The following USP38 variants were observed in gnomAD, a reference collection of about 807,000 sequenced individuals.
USP38 encodes ubiquitin carboxyl-terminal hydrolase 38.
In USP38, 49 loss-of-function variants were observed where a neutral mutation model predicts 94.3. The observed-to-expected ratio is 0.52, with a 90% CI of 0.41 to 0.66. The LOEUF (loss-of-function observed/expected upper bound fraction) is 0.66. Ranked by LOEUF, USP38 falls within the 30% of genes least tolerant of loss-of-function variation. The pLI is 0.00. For missense variants in USP38, 1,128 were observed against 1,229.4 expected (o/e 0.92, Z 1.23); for synonymous variants, 468 against 463.6 (o/e 1.01, Z -0.12).
intron 9 of USP38, 160 bp downstream of exon 9, chr4:143,215,103 T>C: frequency 1.4e-6 from 1 of 710,832 alleles, no homozygotes; most frequent in Non-Finnish European, 2.2e-6. Flanking sequence ...CTAAATTGCC[T>C]TTCTAATATT....
chr4:143,195,422 C>T (rs1053749462), intron 2 of USP38, among the ~76,000 whole-genome samples: 1 of 152,172 alleles, frequency 6.6e-6, no homozygotes, highest in Non-Finnish European at 1.5e-5. Context: ...GAATACTCAA[C>T]CTGTGCCACT....
At chr4:143,211,723 G>A (rs1732029670) in intron 7 of USP38, among the ~76,000 whole-genome samples, 2 of 151,946 alleles carry the variant, frequency 1.3e-5, no homozygotes, top group South Asian at 4.2e-4. Flanking sequence ...ATTTGAACCT[G>A]GTTCACTCCA....
intron 2 of USP38, among the ~76,000 whole-genome samples, 184 bp from the exon 3 acceptor site, chr4:143,195,532 A>T (rs1056038932): frequency 2.6e-5 from 4 of 152,236 alleles, no homozygotes; most frequent in African/African-American, 9.6e-5. Flanking sequence ...AGTTTACAAG[A>T]TTGGAAATTC....
intron 3 of USP38, among the ~76,000 whole-genome samples, chr4:143,196,744 C>T (rs1211583269): frequency 6.6e-6 from 1 of 152,176 alleles, no homozygotes; most frequent in Non-Finnish European, 1.5e-5. Context: ...CTCCCTTGAA[C>T]TCCATATTCA....
intron 2 of USP38, among the ~76,000 whole-genome samples, chr4:143,194,430 T>C (rs1731485314): frequency 1.3e-5 from 2 of 152,238 alleles, no homozygotes; most frequent in South Asian, 4.1e-4. Context: ...AAACTCATTT[T>C]TCCCCTTTCT....
intron 2 of USP38, among the ~76,000 whole-genome samples, chr4:143,193,254 C>T (rs1186995900): frequency 1.3e-5 from 2 of 151,624 alleles, no homozygotes; most frequent in Non-Finnish European, 2.9e-5. Flanking sequence ...TTTCTCAGCT[C>T]TTTCCATTTT....
rs772790160 is a variant in USP38, at chr4:143,186,122, C to G, written c.672C>G (p.Ile224Met). The stretch of plus-strand genomic sequence containing the variant: ...CCCTGCAAGAAGTTTTTGCAAGCAT[C>G]TCTTCCACAGGTAAGGGTCATTATC... ...LPSLQEVFAS[I>M]SSTDASFEPS... The change falls in exon 1 of 10, where the codon ATC (isoleucine) becomes ATG (methionine). Residue 224 changes from isoleucine to methionine, a missense_variant. Coordinates refer to ENST00000307017, the MANE Select transcript of USP38 (RefSeq NM_032557.6). The G allele has an allele frequency of 5.0e-6, 8 of 1,613,970 alleles. No homozygotes were observed. The highest frequency in any genetic ancestry group is 6.8e-6 in the Non-Finnish European group (8 of 1,179,910).
Position 143,214,772 on chromosome 4 carries a change from T to C in USP38, c.2796T>C (p.Ile932=), listed in dbSNP as rs371566058. The C allele has an allele frequency of 6.2e-7, 1 of 1,613,730 alleles. No individual in the cohort carries two copies. The highest frequency in any genetic ancestry group is 8.5e-7 in the Non-Finnish European group (1 of 1,179,788). ...CTTCATTTCAGTCAGTCCAGAAAAT[T>C]ACGAGCAGGTTTCCAAAGGACACAG... ...TFTSFQSVQK[I]TSRFPKDTAY... The change falls in exon 9 of 10, where the codon ATT becomes ATC. Residue 932 remains isoleucine, a synonymous_variant. Coordinates refer to ENST00000307017, the MANE Select transcript of USP38 (RefSeq NM_032557.6).
intron 2 of USP38, among the ~76,000 whole-genome samples, chr4:143,188,457 G>A (rs1261703658): frequency 1.3e-5 from 2 of 151,874 alleles, no homozygotes; most frequent in East Asian, 3.8e-4. Flanking sequence ...TTTTCTCTTA[G>A]CATTTTAAAA....
chr4:143,215,146 G>C (rs1266659696), intron 9 of USP38: 1 of 577,206 alleles, frequency 1.7e-6, no homozygotes, highest in Non-Finnish European at 3.0e-6. Flanking sequence ...GCAATTAGAT[G>C]TAATGCAGAA....
chr4:143,194,812 G>A (rs1428760984), intron 2 of USP38, among the ~76,000 whole-genome samples: 1 of 152,060 alleles, frequency 6.6e-6, no homozygotes, highest in African/African-American at 2.4e-5. Flanking sequence ...CTGACTTTCA[G>A]CTGCTTTCTG....
At chr4:143,190,570 A>C (rs1256505554) in intron 2 of USP38, among the ~76,000 whole-genome samples, 1 of 152,018 alleles carries the variant, frequency 6.6e-6, no homozygotes, top group Non-Finnish European at 1.5e-5. Flanking sequence ...TTTTTTACTT[A>C]AATTGACAAT....
At chr4:143,217,774 A>G (rs1287344912) in intron 9 of USP38, among the ~76,000 whole-genome samples, 1 of 152,176 alleles carries the variant, frequency 6.6e-6, no homozygotes, top group African/African-American at 2.4e-5. Context: ...GTGGTTTTGA[A>G]AAACCCAGGC....
Position 143,195,911 on chromosome 4 carries a change from G to A in USP38, c.948+66G>A, listed in dbSNP as rs1561239755. The A allele has an allele frequency of 7.8e-6, 11 of 1,417,962 alleles. No individual in the cohort carries two copies. The South Asian group carries it at 1.4e-4, about 18-fold the overall frequency. 87.8% of individuals were successfully genotyped at this position (1,417,962 alleles called of 1,614,324 possible). On this transcript the variant is annotated intron_variant, in intron 3 of 9. Coordinates refer to ENST00000307017, the MANE Select transcript of USP38 (RefSeq NM_032557.6). ...ATAAAATCAATATTTTTTTCTTTGG[G>A]TGGTATCCTTGAAAGCATCTAATTT...
At position 143,210,216 on chromosome 4, in the gene USP38, A is replaced by G. The variant is rs142246164; in HGVS notation, c.1497+559A>G. Among the ~76,000 whole-genome samples the G allele has an allele frequency of 1.9e-3, 286 of 152,334 alleles. 3 individuals carry two copies. The highest frequency in any genetic ancestry group is 0.017 in the Admixed American group (254 of 15,294). ...GTCATTAATTTATGTTAATGGCACCAAGGTGGTCATATATAGTAAATATTC... is the reference window on the plus strand; with the variant it reads ...GTCATTAATTTATGTTAATGGCACCGAGGTGGTCATATATAGTAAATATTC... On this transcript the variant is annotated intron_variant, in intron 7 of 9. Coordinates refer to ENST00000307017, the MANE Select transcript of USP38 (RefSeq NM_032557.6).
Position 143,214,241 on chromosome 4 carries a change from G to A in USP38, c.2265G>A (p.Thr755=), listed in dbSNP as rs371571444. The A allele has an allele frequency of 1.4e-4, 221 of 1,613,364 alleles. No individual in the cohort carries two copies. Among genetic ancestry groups the A allele is most frequent in the Middle Eastern group, 3.3e-4 (2 of 6,070 alleles). The change falls in exon 9 of 10, where the codon ACG becomes ACA. Residue 755 remains threonine, a synonymous_variant. Coordinates refer to ENST00000307017, the MANE Select transcript of USP38 (RefSeq NM_032557.6). ...ATGCTGAGAAAACTATGCAAATCAC[G>A]GAGGAACCTGAATACCTTATTCTTA... ...LQNAEKTMQI[T]EEPEYLILTL...
chr4:143,213,990 C>T lies in USP38; in HGVS notation c.2014C>T (p.Leu672Phe), dbSNP rs1303635288. Reference protein sequence around the residue: ...PTTAAFICDSLVNEKTIGSPP... With the variant: ...PTTAAFICDSFVNEKTIGSPP... ...AACAGCTGCCTTCATCTGTGACTCACTTGTGAATGAAAAAACCATAGGCAG... is the reference window on the plus strand; with the variant it reads ...AACAGCTGCCTTCATCTGTGACTCATTTGTGAATGAAAAAACCATAGGCAG... Residue 672 changes from leucine (L) to phenylalanine (F), a missense_variant, in exon 9 of 10, where the codon CTT (leucine) becomes TTT (phenylalanine). Physicochemically the swap from Leu to Phe is conservative, Grantham distance 22 (BLOSUM62 0). Transcript: ENST00000307017. 4.3e-6 allele frequency: 7 copies of T among 1,613,468 alleles called. No homozygotes were observed. The highest frequency in any genetic ancestry group is 5.9e-6 in the Non-Finnish European group (7 of 1,179,836).
Position 143,190,254 on chromosome 4 carries a change from A to T in USP38, c.818+2293A>T, listed in dbSNP as rs561589114. Among the ~76,000 whole-genome samples the T allele has an allele frequency of 3.3e-3, 317 of 97,386 alleles. 1 individual carries two copies. The highest frequency in any genetic ancestry group is 0.01 in the African/African-American group (296 of 28,664). 63.9% of individuals were successfully genotyped at this position (97,386 alleles called of 152,430 possible). ...TTAGTTGGTCCATCACTTTCATTGC[A>T]TAGGGTAATAGTAGCAGATTTTCTT... On this transcript the variant is annotated intron_variant, in intron 2 of 9. Transcript: ENST00000307017.
intron 7 of USP38, among the ~76,000 whole-genome samples, chr4:143,210,349 G>A (rs1330467317): frequency 6.6e-6 from 1 of 152,160 alleles, no homozygotes; most frequent in Non-Finnish European, 1.5e-5. Flanking sequence ...AACACTTGGA[G>A]GCCAAGGCAG....
Sources: gnomAD v4.1 joint callset for allele counts (sites outside exome capture counted in the v4.1 genomes callset) on GRCh38, gnomAD v4.1.1 for gene constraint, MANE v1.5 for transcripts, NCBI Gene and HGNC (gene_info 2026-07-23, HGNC 2026-07-21) for gene names.